MARK1: variants seen among roughly 807,000 people sequenced by gnomAD.
The protein encoded by MARK1 is microtubule affinity regulating kinase 1.
Under a neutral mutation model 96.3 loss-of-function variants are expected in MARK1, and 40 were observed. The ratio of observed to expected loss-of-function variants is 0.42; its 90% CI spans 0.32 to 0.54. The LOEUF is 0.54. MARK1 is among the 20% of genes least tolerant of loss of function. The probability of loss-of-function intolerance (pLI) is 0.16; values close to 1 mark genes in which losing one functional copy is unlikely to be tolerated. For missense variants in MARK1, 719 were observed against 984.6 expected (o/e 0.73, Z 3.61); for synonymous variants, 317 against 341.2 (o/e 0.93, Z 0.78).
At chr1:220,607,557 T>A (rs1666158114) in intron 6 of MARK1, among the ~76,000 whole-genome samples, 1 of 150,274 alleles carries the variant, frequency 6.7e-6, no homozygotes, top group African/African-American at 2.5e-5. Flanking sequence ...CTTCCAACAC[T>A]ATGTTGAATA....
intron 9 of MARK1, among the ~76,000 whole-genome samples, chr1:220,620,615 A>G (rs796183935): frequency 6.6e-6 from 1 of 152,262 alleles, no homozygotes; most frequent in South Asian, 2.1e-4. Flanking sequence ...CAAACACTTT[A>G]GTCTTTTATC....
chr1:220,599,935 A>G (rs992232222), intron 5 of MARK1, 72 bp downstream of exon 5: 2 of 874,032 alleles, frequency 2.3e-6, no homozygotes, highest in Non-Finnish European at 3.5e-6. Context: ...AGAGTTCATT[A>G]TGACATTTAT....
chr1:220,599,351 T>A (rs1665590366), intron 4 of MARK1, among the ~76,000 whole-genome samples: 1 of 152,130 alleles, frequency 6.6e-6, no homozygotes. Context: ...ATAAATTTGA[T>A]AATTTGGTAA....
At chr1:220,567,460 A>T (rs1008392860) in intron 1 of MARK1, among the ~76,000 whole-genome samples, 1 of 152,154 alleles carries the variant, frequency 6.6e-6, no homozygotes, top group Non-Finnish European at 1.5e-5. Context: ...AACACAGGAG[A>T]GCTACCAGTT....
intron 1 of MARK1, among the ~76,000 whole-genome samples, chr1:220,554,596 A>G (rs1269118833): frequency 6.6e-6 from 1 of 152,206 alleles, no homozygotes; most frequent in African/African-American, 2.4e-5. Flanking sequence ...GTAGGATAGT[A>G]AATGAAGCAG....
intron 15 of MARK1, among the ~76,000 whole-genome samples, chr1:220,652,390 C>T (rs148508281): frequency 0.015 from 2,210 of 152,038 alleles, 30 homozygotes; most frequent in Middle Eastern, 0.044. Context: ...ATTTTACATC[C>T]GTCTATAAAG....
At chr1:220,628,916 T>TAA (rs202116431) in intron 9 of MARK1, among the ~76,000 whole-genome samples, 6,078 of 139,930 alleles carry the variant, frequency 0.043, 460 homozygotes, top group African/African-American at 0.15. Context: ...ACCCTGTCTT[T>TAA]AAAAAAAAAA....
chr1:220,571,560 G>T (rs1663457833), intron 1 of MARK1, among the ~76,000 whole-genome samples: 1 of 152,078 alleles, frequency 6.6e-6, no homozygotes, highest in African/African-American at 2.4e-5. Flanking sequence ...GATTATTATT[G>T]TATAGTAACA....
At chr1:220,544,011 A>G (rs1191317827) in intron 1 of MARK1, among the ~76,000 whole-genome samples, 1 of 152,244 alleles carries the variant, frequency 6.6e-6, no homozygotes, top group Non-Finnish European at 1.5e-5. Context: ...AGTAGGATGG[A>G]AAAAATGATA....
chr1:220,633,138 G>A (rs917419764), intron 11 of MARK1, among the ~76,000 whole-genome samples: 3 of 152,108 alleles, frequency 2.0e-5, no homozygotes, highest in African/African-American at 4.8e-5. Flanking sequence ...TTGTTACCAC[G>A]AGGGCAGCAC....
At chr1:220,546,135 C>T (rs1334916061) in intron 1 of MARK1, among the ~76,000 whole-genome samples, 1 of 152,142 alleles carries the variant, frequency 6.6e-6, no homozygotes, top group African/African-American at 2.4e-5. Context: ...TGCTCCTTGC[C>T]TGTAAATCCC....
At chr1:220,581,172 A>G in intron 3 of MARK1, 54 bp downstream of exon 3, 1 of 595,554 alleles carries the variant, frequency 1.7e-6, no homozygotes, top group Non-Finnish European at 2.6e-6. Flanking sequence ...TTAATATGTG[A>G]TGTTCTGTAA....
intron 1 of MARK1, among the ~76,000 whole-genome samples, chr1:220,535,243 T>C (rs957926743): frequency 1.3e-5 from 2 of 152,152 alleles, no homozygotes; most frequent in African/African-American, 4.8e-5. Context: ...TATTTTGTTT[T>C]ATGGTTTTTA....
chr1:220,557,651 T>C (rs1275436112), intron 1 of MARK1, among the ~76,000 whole-genome samples: 1 of 152,116 alleles, frequency 6.6e-6, no homozygotes, highest in African/African-American at 2.4e-5. Flanking sequence ...AAAAAAAATA[T>C]AGTTCAGGGA....
At chr1:220,571,310 G>A (rs2102810198) in intron 1 of MARK1, among the ~76,000 whole-genome samples, 1 of 152,106 alleles carries the variant, frequency 6.6e-6, no homozygotes, top group East Asian at 1.9e-4. Flanking sequence ...CATAGAACAT[G>A]GTTTAAAAAA....
At chr1:220,575,852 T>C (rs948642460) in intron 1 of MARK1, among the ~76,000 whole-genome samples, 2 of 151,282 alleles carry the variant, frequency 1.3e-5, no homozygotes, top group African/African-American at 2.4e-5. Flanking sequence ...GGCCCATGGG[T>C]ATTATTTCTC....
intron 9 of MARK1, among the ~76,000 whole-genome samples, chr1:220,628,559 A>G (rs1667478174): frequency 6.6e-6 from 1 of 152,176 alleles, no homozygotes; most frequent in Non-Finnish European, 1.5e-5. Context: ...CTTCCATGTC[A>G]TGCTGTGCGG....
intron 14 of MARK1, among the ~76,000 whole-genome samples, chr1:220,651,769 AGATGATAGT>A (rs1668892060): frequency 6.6e-6 from 1 of 152,158 alleles, no homozygotes; most frequent in Non-Finnish European, 1.5e-5. Context: ...TTTTTTTCAT[AGATGATAGT>A]GATAAATTCA....
At chr1:220,545,784 T>C (rs888701004) in intron 1 of MARK1, among the ~76,000 whole-genome samples, 8 of 152,102 alleles carry the variant, frequency 5.3e-5, no homozygotes, top group African/African-American at 1.9e-4. Context: ...TTATCTGGCA[T>C]ATGAGAGAAA....
Sources: gnomAD v4.1 joint callset for allele counts (sites outside exome capture counted in the v4.1 genomes callset) on GRCh38, gnomAD v4.1.1 for gene constraint, MANE v1.5 for transcripts, NCBI Gene and HGNC (gene_info 2026-07-23, HGNC 2026-07-21) for gene names.